ZNF292: variants seen among roughly 807,000 people sequenced by gnomAD.
ZNF292 encodes 16 zinc-finger domain protein.
ZNF292 carries 26 observed loss-of-function variants against 217.9 expected under a neutral mutation model. The observed-to-expected ratio is 0.12, with a 90% CI of 0.09 to 0.17. The LOEUF (loss-of-function observed/expected upper bound fraction) is 0.17. Among genes scored for constraint, ZNF292 ranks in the 10% least tolerant of loss-of-function variants. ZNF292 has a pLI of 1.00. For synonymous variants in ZNF292, 1,257 were observed against 1,124.1 expected (o/e 1.12, Z -2.37); for missense variants, 2,904 against 3,175.2 (o/e 0.91, Z 2.05).
intron 1 of ZNF292, among the ~76,000 whole-genome samples, chr6:87,211,156 C>G (rs1389052028): frequency 6.6e-6 from 1 of 152,148 alleles, no homozygotes; most frequent in African/African-American, 2.4e-5. Context: ...TCTTGCTCCT[C>G]TTTGAATAAC....
Position 87,260,442 on chromosome 6 carries a change from G to A in ZNF292, c.6813G>A (p.Ser2271=), listed in dbSNP as rs371732567. The change falls in exon 8 of 8, where the codon TCG becomes TCA. Residue 2271 remains serine (S), a synonymous_variant. Coordinates refer to ENST00000369577, the MANE Select transcript of ZNF292 (RefSeq NM_015021.3). ...EGCDRIYATR[S]NLLRHIFNKH... Reference sequence around the variant, plus strand: ...GTGACCGTATATATGCAACCCGGTCGAATCTCCTCCGACACATTTTTAATA... The same window carrying A: ...GTGACCGTATATATGCAACCCGGTCAAATCTCCTCCGACACATTTTTAATA... 209 of 1,613,572 alleles carry A rather than the reference G, an allele frequency of 1.3e-4. 4 individuals are homozygous for A. The South Asian group carries it at 1.7e-3, about 13-fold the overall frequency.
At chr6:87,179,598 A>T (rs1771406980) in intron 1 of ZNF292, among the ~76,000 whole-genome samples, 1 of 152,150 alleles carries the variant, frequency 6.6e-6, no homozygotes, top group African/African-American at 2.4e-5. Context: ...CAATATAAGT[A>T]TGTCTAATTA....
In ZNF292 at chr6:87,254,695, G is replaced by T. The variant is rs976963327; in HGVS notation, c.1066G>T (p.Ala356Ser). ...TACCTGTATAGAACTGTGTGTAAAG[G>T]CTCTTCGCTTGGAGTCTACAGAAAA... ...LATCIELCVK[A>S]LRLESTENTE... Residue 356 changes from alanine to serine, a missense_variant, in exon 8 of 8, where the codon GCT (alanine) becomes TCT (serine). Transcript: ENST00000369577. The T allele has an allele frequency of 3.7e-6, 6 of 1,613,724 alleles. No individual in the cohort carries two copies. The highest frequency in any genetic ancestry group is 2.7e-5 in the African/African-American group (2 of 74,926).
intron 1 of ZNF292, among the ~76,000 whole-genome samples, chr6:87,196,405 T>C (rs2127786343): frequency 6.6e-6 from 1 of 152,342 alleles, no homozygotes; most frequent in East Asian, 1.9e-4. Flanking sequence ...TTTGACTGTT[T>C]ACTTTTGTAA....
intron 5 of ZNF292, among the ~76,000 whole-genome samples, chr6:87,241,756 G>T (rs945770034): frequency 1.1e-4 from 17 of 152,136 alleles, no homozygotes; most frequent in Admixed American, 1.1e-3. Flanking sequence ...GACATGATTG[G>T]ATTTGTGGCT....
Position 87,258,077 on chromosome 6 carries a change from G to A in ZNF292, c.4448G>A (p.Ser1483Asn). 1 of 1,613,664 alleles carries A rather than the reference G, an allele frequency of 6.2e-7. No individual in the cohort carries two copies. The highest frequency in any genetic ancestry group is 8.5e-7 in the Non-Finnish European group (1 of 1,179,754). ...GTGACTAACTTTAATACCAGTGTCA[G>A]TCAAGAAGGTAGTGAAATTATTAAA... The part of the protein sequence containing the change: ...SGVTNFNTSV[S>N]QEGSEIIKQA... The change falls in exon 8 of 8, where the codon AGT (serine) becomes AAT (asparagine). Residue 1483 changes from serine to asparagine, a missense_variant. By Grantham distance (46) the Ser-to-Asn change is conservative. This residue lies in a region of ZNF292 where 622 missense variants were observed against 573.1 expected (regional missense o/e 1.09). Coordinates refer to ENST00000369577, the MANE Select transcript of ZNF292 (RefSeq NM_015021.3).
chr6:87,259,537 T>C lies in ZNF292; in HGVS notation c.5908T>C (p.Leu1970=). 6.3e-7 allele frequency: 1 copy of C among 1,585,466 alleles called. No individual in the cohort carries two copies. Among genetic ancestry groups the C allele is most frequent in the Non-Finnish European group, 8.6e-7 (1 of 1,164,654 alleles). Residue 1970 remains leucine (L), a synonymous_variant, in exon 8 of 8, where the codon TTG becomes CTG. Transcript: ENST00000369577. ...RNSNLRAHCQ[L]VHHFTTEEMV... is the part of the protein sequence containing the mutation. ...TTCTAACCTCCGGGCACACTGTCAG[T>C]TGGTGCATCATTTTACAACTGAAGA...
intron 7 of ZNF292, 49 bp downstream of exon 7, chr6:87,245,693 T>A: frequency 8.4e-7 from 1 of 1,193,384 alleles, no homozygotes; most frequent in Non-Finnish European, 1.1e-6. Flanking sequence ...ACATTATCAT[T>A]AATAAAAGAC....
chr6:87,180,052 C>T (rs915128478), intron 1 of ZNF292, among the ~76,000 whole-genome samples: 1 of 152,204 alleles, frequency 6.6e-6, no homozygotes, highest in African/African-American at 2.4e-5. Context: ...ACCCTTTAGG[C>T]CAGGGGTGTC....
chr6:87,201,992 G>GCT (rs1772110758), intron 1 of ZNF292, among the ~76,000 whole-genome samples: 2 of 152,238 alleles, frequency 1.3e-5, no homozygotes, highest in South Asian at 4.1e-4. Flanking sequence ...GATAAGTCTT[G>GCT]CTATCTGATT....
chr6:87,164,924 G>A (rs1030017747), intron 1 of ZNF292, among the ~76,000 whole-genome samples: 1 of 140,666 alleles, frequency 7.1e-6, no homozygotes, highest in East Asian at 2.2e-4. Context: ...CACCATGCCC[G>A]TCTAATTTTT....
At chr6:87,240,420 T>C (rs938335989) in intron 5 of ZNF292, among the ~76,000 whole-genome samples, 1 of 152,146 alleles carries the variant, frequency 6.6e-6, no homozygotes, top group Non-Finnish European at 1.5e-5. Flanking sequence ...ATTCTGTTTT[T>C]TAATTTTTTA....
In ZNF292 at chr6:87,216,100, A is replaced by G. The variant is rs200874548; in HGVS notation, c.323+43A>G. The G allele has an allele frequency of 3.6e-4, 467 of 1,293,950 alleles. 2 individuals are homozygous for G. Among genetic ancestry groups the G allele is most frequent in the Middle Eastern group, 1.5e-3 (8 of 5,196 alleles). The allele number at this position is 1,293,950 out of a possible 1,614,324, so 80.2% of individuals were successfully genotyped here. ...TAAATAAACTAGATTTAGCTTTAAA[A>G]ATACATAGACACACACACACACACA... is the stretch of plus-strand genomic sequence containing the variant. On this transcript the variant is annotated intron_variant, in intron 2 of 7. Coordinates refer to ENST00000369577, the MANE Select transcript of ZNF292 (RefSeq NM_015021.3).
rs1053849341 is a variant in ZNF292 at position 87,182,497 on chromosome 6, G to C, written c.168+26738G>C. Reference sequence around the variant, plus strand: ...AAGCACTCCTACGCTTTTAGAGGATGTGGGGTTGGTGAGGCAGAGAGACCA... The same window carrying C: ...AAGCACTCCTACGCTTTTAGAGGATCTGGGGTTGGTGAGGCAGAGAGACCA... On this transcript the variant is annotated intron_variant, in intron 1 of 7. Transcript: ENST00000369577. Among the ~76,000 whole-genome samples the C allele has an allele frequency of 6.6e-5, 10 of 152,324 alleles. No homozygotes were observed. In the East Asian group the frequency reaches 1.9e-3, roughly 29 times the overall value.
rs903077991 is a variant in ZNF292, at chr6:87,262,753, T to G, written c.*952T>G. ...CATTTCATTTCTTGTTTTATACATGTGATCTTATAAAGATTTTTTGTTTTG... is the reference window on the plus strand; with the variant it reads ...CATTTCATTTCTTGTTTTATACATGGGATCTTATAAAGATTTTTTGTTTTG... On this transcript the variant is annotated 3_prime_UTR_variant, in exon 8 of 8. Transcript: ENST00000369577. 4 of 152,050 alleles carry G rather than the reference T, an allele frequency of 2.6e-5. No homozygotes were observed. Among genetic ancestry groups the G allele is most frequent in the African/African-American group, 9.7e-5 (4 of 41,448 alleles). 9.4% of individuals were successfully genotyped at this position (152,050 alleles called of 1,614,324 possible).
intron 1 of ZNF292, among the ~76,000 whole-genome samples, chr6:87,202,541 G>A (rs75857572): frequency 1.3e-5 from 2 of 152,246 alleles, no homozygotes; most frequent in East Asian, 3.9e-4. Flanking sequence ...TTGAATAGAA[G>A]CAGTGATAGG....
intron 5 of ZNF292, among the ~76,000 whole-genome samples, chr6:87,243,002 C>T (rs1774377271): frequency 6.6e-6 from 1 of 152,070 alleles, no homozygotes; most frequent in Non-Finnish European, 1.5e-5. Context: ...ATTTTTCCCT[C>T]ATGAATAGAT....
Position 87,258,704 on chromosome 6 carries a change from A to G in ZNF292, c.5075A>G (p.Asn1692Ser), listed in dbSNP as rs1306475991. ...GAAAATCTAACACAGAAATTAAATAATGTTAACAATCAGTTATTTATGACT... is the reference window on the plus strand; with the variant it reads ...GAAAATCTAACACAGAAATTAAATAGTGTTAACAATCAGTTATTTATGACT... The part of the protein sequence containing the change: ...LVENLTQKLN[N>S]VNNQLFMTDV... The change falls in exon 8 of 8, where the codon AAT (asparagine) becomes AGT (serine). Residue 1692 changes from asparagine (N) to serine (S), a missense_variant. Asn to Ser is a conservative substitution (Grantham distance 46, BLOSUM62 1). Around this residue, in one of 15 missense-constraint regions of ZNF292, gnomAD observed 622 missense variants for 573.1 expected, o/e 1.09. Coordinates refer to ENST00000369577, the MANE Select transcript of ZNF292 (RefSeq NM_015021.3). 1 of 1,613,398 alleles carries G rather than the reference A, an allele frequency of 6.2e-7. No individual in the cohort carries two copies.
chr6:87,206,398 A>G (rs1020465596), intron 1 of ZNF292, among the ~76,000 whole-genome samples: 45 of 152,272 alleles, frequency 3.0e-4, no homozygotes, highest in African/African-American at 1.0e-3. Flanking sequence ...GAATACCCAC[A>G]TAGCTTTCAC....
Sources: gnomAD v4.1 joint callset for allele counts (sites outside exome capture counted in the v4.1 genomes callset) on GRCh38, gnomAD v4.1.1 for gene constraint, gnomAD v4.1.1 regional missense constraint, MANE v1.5 for transcripts, NCBI Gene and HGNC (gene_info 2026-07-23, HGNC 2026-07-21) for gene names.